The following SLC44A5 variants were observed in gnomAD, a reference collection of about 807,000 sequenced individuals.
SLC44A5 encodes the protein solute carrier family 44 member 5.
A neutral mutation model predicts 101.8 loss-of-function variants in SLC44A5; 57 were observed. That is an observed-to-expected ratio of 0.56 (90% confidence interval 0.45 to 0.70). The LOEUF is 0.70. SLC44A5 is among the 30% of genes least tolerant of loss of function. The probability of loss-of-function intolerance (pLI) is 0.00; values close to 1 mark genes in which losing one functional copy is unlikely to be tolerated. For synonymous variants in SLC44A5, 281 were observed against 290.9 expected (o/e 0.97, Z 0.35); for missense variants, 737 against 853.1 (o/e 0.86, Z 1.70).
chr1:75,681,321 C>T, the SLC44A5 span, among the ~76,000 whole-genome samples: 12 of 152,148 alleles, frequency 7.9e-5, no homozygotes, highest in African/African-American at 2.7e-4. Context: ...GAATTTTAGA[C>T]CAATATTCTT....
chr1:75,704,695 G>T, the SLC44A5 span, among the ~76,000 whole-genome samples: 1 of 152,124 alleles, frequency 6.6e-6, no homozygotes, highest in Non-Finnish European at 1.5e-5. Flanking sequence ...GTACTACCTT[G>T]CATGTGGTAA....
the SLC44A5 span, among the ~76,000 whole-genome samples, chr1:75,680,932 C>G: frequency 2.0e-5 from 3 of 150,026 alleles, no homozygotes; most frequent in African/African-American, 7.4e-5. Flanking sequence ...AAGGGGATAT[C>G]ACCACCGAAC....
intron 2 of SLC44A5, among the ~76,000 whole-genome samples, chr1:75,426,228 C>T (rs534944337): frequency 1.3e-5 from 2 of 152,296 alleles, no homozygotes; most frequent in African/African-American, 4.8e-5. Flanking sequence ...CAAGCCAAAC[C>T]GTAGCAGGAT....
At chr1:75,528,290 T>C (rs1208710264) in intron 2 of SLC44A5, among the ~76,000 whole-genome samples, 2 of 152,094 alleles carry the variant, frequency 1.3e-5, no homozygotes, top group Non-Finnish European at 2.9e-5. Flanking sequence ...AAAAGATACA[T>C]GTGTCAAGAA....
chr1:75,569,524 G>A lies in SLC44A5; in HGVS notation c.-69-28008C>T, dbSNP rs1431012896. On this transcript the variant is annotated intron_variant, in intron 1 of 23. Coordinates refer to ENST00000370859, the MANE Select transcript of SLC44A5 (RefSeq NM_001130058.2). ...CACAAAGTGCTGGGATTATAGGTGT[G>A]AGCCACGAAGGCTGCCCTCAACTTT... Among the ~76,000 whole-genome samples, 7 of 152,146 alleles carry A rather than the reference G, an allele frequency of 4.6e-5. No homozygotes were observed. The South Asian group carries it at 1.5e-3, about 32-fold the overall frequency.
chr1:75,261,273 G>A (rs929860251), intron 6 of SLC44A5, among the ~76,000 whole-genome samples: 2 of 151,570 alleles, frequency 1.3e-5, no homozygotes, highest in Admixed American at 6.6e-5. Context: ...GTCAGCTAGC[G>A]AGAGTAATAA....
intron 1 of SLC44A5, among the ~76,000 whole-genome samples, chr1:75,600,550 A>C (rs1174033457): frequency 2.0e-5 from 3 of 152,168 alleles, no homozygotes; most frequent in African/African-American, 7.2e-5. Flanking sequence ...AAATATTTTA[A>C]GTAGTTTATA....
intron 3 of SLC44A5, among the ~76,000 whole-genome samples, chr1:75,387,311 T>C (rs1284719145): frequency 2.7e-5 from 4 of 148,120 alleles, no homozygotes; most frequent in South Asian, 2.2e-4. Flanking sequence ...AACCTACTCA[T>C]CTGACAAAGG....
At chr1:75,665,685 C>T in the SLC44A5 span, among the ~76,000 whole-genome samples, 962 of 152,132 alleles carry the variant, frequency 6.3e-3, 12 homozygotes, top group African/African-American at 0.022. Flanking sequence ...ATAAAATATT[C>T]GCAAACTATA....
chr1:75,312,813 T>C (rs932650751), intron 4 of SLC44A5, among the ~76,000 whole-genome samples: 25 of 152,098 alleles, frequency 1.6e-4, no homozygotes, highest in African/African-American at 5.5e-4. Flanking sequence ...TCAGGGGAGT[T>C]CACTCGCAAC....
At chr1:75,635,252 G>T in the SLC44A5 span, among the ~76,000 whole-genome samples, 1 of 151,370 alleles carries the variant, frequency 6.6e-6, no homozygotes, top group South Asian at 2.1e-4. Flanking sequence ...TCAGTGTGGC[G>T]ATTCCTCGGG....
At chr1:75,367,060 C>T (rs1659909986) in intron 3 of SLC44A5, among the ~76,000 whole-genome samples, 1 of 152,170 alleles carries the variant, frequency 6.6e-6, no homozygotes, top group South Asian at 2.1e-4. Flanking sequence ...TAGAGCTTTG[C>T]TAGTTTCCTT....
chr1:75,464,394 C>T (rs966175755), intron 2 of SLC44A5, among the ~76,000 whole-genome samples: 1 of 150,920 alleles, frequency 6.6e-6, no homozygotes. Flanking sequence ...CTCATGGTAA[C>T]CTCAAACCAG....
intron 3 of SLC44A5, among the ~76,000 whole-genome samples, chr1:75,389,603 C>A (rs1004275967): frequency 3.3e-5 from 5 of 152,082 alleles, no homozygotes; most frequent in African/African-American, 1.2e-4. Context: ...TAAAAAAATT[C>A]TTTGAAATAA....
chr1:75,652,679 A>C, the SLC44A5 span, among the ~76,000 whole-genome samples: 2 of 152,132 alleles, frequency 1.3e-5, no homozygotes, highest in Non-Finnish European at 2.9e-5. Context: ...CTATAATCGT[A>C]GCTACTCAGG....
At chr1:75,578,931 G>A (rs1570660675) in intron 1 of SLC44A5, among the ~76,000 whole-genome samples, 1 of 151,938 alleles carries the variant, frequency 6.6e-6, no homozygotes, top group African/African-American at 2.4e-5. Flanking sequence ...CATCTGTATT[G>A]CTAAATTCAG....
intron 9 of SLC44A5, 37 bp downstream of exon 9, chr1:75,241,964 G>C (rs1435427601): frequency 6.4e-7 from 1 of 1,554,976 alleles, no homozygotes; most frequent in Non-Finnish European, 8.9e-7. Flanking sequence ...CATTTTGGTA[G>C]ATCCTATGTT....
the SLC44A5 span, among the ~76,000 whole-genome samples, chr1:75,630,856 G>A: frequency 6.6e-6 from 1 of 152,174 alleles, no homozygotes; most frequent in Non-Finnish European, 1.5e-5. Flanking sequence ...GAAAGACATG[G>A]ACTCGCTGTC....
chr1:75,401,943 G>C (rs542958137), intron 2 of SLC44A5, among the ~76,000 whole-genome samples: 1 of 152,252 alleles, frequency 6.6e-6, no homozygotes, highest in African/African-American at 2.4e-5. Context: ...AAATGTAGTG[G>C]AGTTAGAGAC....
Sources: gnomAD v4.1 joint callset for allele counts (sites outside exome capture counted in the v4.1 genomes callset) on GRCh38, gnomAD v4.1.1 for gene constraint, MANE v1.5 for transcripts, NCBI Gene and HGNC (gene_info 2026-07-23, HGNC 2026-07-21) for gene names.